Variants in C8orf34 observed in about 807,000 individuals in gnomAD.
C8orf34 encodes uncharacterized protein C8orf34.
Under a neutral mutation model 68.3 loss-of-function variants are expected in C8orf34, and 65 were observed. That is an observed-to-expected ratio of 0.95 (90% confidence interval 0.78 to 1.17). The LOEUF (loss-of-function observed/expected upper bound fraction) is 1.17. Ranked by LOEUF, C8orf34 falls within the 50% of genes most tolerant of loss-of-function variation. C8orf34 has a pLI of 0.00. For synonymous variants in C8orf34, 244 were observed against 241.2 expected (o/e 1.01, Z -0.11); for missense variants, 664 against 655.4 (o/e 1.01, Z -0.14).
At chr8:68,368,679 G>T (rs184517332) in intron 1 of C8orf34, among the ~76,000 whole-genome samples, 1 of 152,228 alleles carries the variant, frequency 6.6e-6, no homozygotes, top group Admixed American at 6.5e-5. Flanking sequence ...GTTGAGTCCA[G>T]TAATATTTAA....
chr8:68,772,754 CT>C (rs1234800111), intron 10 of C8orf34, among the ~76,000 whole-genome samples: 6 of 138,476 alleles, frequency 4.3e-5, no homozygotes, highest in African/African-American at 1.6e-4. Flanking sequence ...TCTTTCTCTC[CT>C]TCCTTCTTTC....
chr8:68,690,483 CA>C (rs1554597962), intron 8 of C8orf34, among the ~76,000 whole-genome samples: 1 of 151,854 alleles, frequency 6.6e-6, no homozygotes, highest in Non-Finnish European at 1.5e-5. Context: ...TTGGAGAGTC[CA>C]AAATCAAGGC....
At chr8:68,438,363 G>A (rs1810751561) in intron 1 of C8orf34, 1 of 152,066 alleles carries the variant, frequency 6.6e-6, no homozygotes, top group African/African-American at 2.4e-5. Flanking sequence ...AGATTGGTTA[G>A]GGTAACCTCT....
At chr8:68,646,245 C>T (rs1819168767) in intron 8 of C8orf34, among the ~76,000 whole-genome samples, 1 of 151,646 alleles carries the variant, frequency 6.6e-6, no homozygotes, top group Admixed American at 6.6e-5. Context: ...AACCTTATTG[C>T]TTTTATCAAG....
chr8:68,511,426 C>T (rs1383813586), intron 5 of C8orf34, among the ~76,000 whole-genome samples: 1 of 151,950 alleles, frequency 6.6e-6, no homozygotes, highest in Non-Finnish European at 1.5e-5. Context: ...GGAGTGGGGG[C>T]AGTGAGTAGT....
At chr8:68,437,902 A>G (rs1019678199) in intron 1 of C8orf34, 1 of 152,180 alleles carries the variant, frequency 6.6e-6, no homozygotes, top group African/African-American at 2.4e-5. Context: ...TGCAAAATCC[A>G]TTTATCCTCT....
chr8:68,794,504 T>TAC (rs1563674045), intron 12 of C8orf34, among the ~76,000 whole-genome samples: 2 of 67,878 alleles, frequency 2.9e-5, no homozygotes, highest in South Asian at 4.9e-4. Context: ...TATATATATA[T>TAC]ATTTTTTTTT....
chr8:68,591,368 A>G (rs1817383690), intron 7 of C8orf34, among the ~76,000 whole-genome samples: 1 of 152,174 alleles, frequency 6.6e-6, no homozygotes, highest in Admixed American at 6.6e-5. Flanking sequence ...TTTAATAGGA[A>G]TCTGAAAAGA....
intron 7 of C8orf34, among the ~76,000 whole-genome samples, chr8:68,542,891 G>A (rs1223607795): frequency 6.6e-6 from 1 of 152,018 alleles, no homozygotes; most frequent in Admixed American, 6.6e-5. Flanking sequence ...TTTAGAAAAT[G>A]CCATTTTGTT....
chr8:68,746,930 A>G (rs1822518338), intron 10 of C8orf34, among the ~76,000 whole-genome samples: 2 of 151,906 alleles, frequency 1.3e-5, no homozygotes, highest in Admixed American at 6.6e-5. Flanking sequence ...AGACACAACC[A>G]AAAAAGAGAA....
At chr8:68,553,166 A>C (rs140796301) in intron 7 of C8orf34, among the ~76,000 whole-genome samples, 2,961 of 152,004 alleles carry the variant, frequency 0.019, 55 homozygotes, top group Admixed American at 0.031. Flanking sequence ...CAGGCAGATC[A>C]TGAGGTCAGG....
chr8:68,696,730 T>C (rs1820845973), intron 8 of C8orf34, among the ~76,000 whole-genome samples: 1 of 152,134 alleles, frequency 6.6e-6, no homozygotes, highest in Non-Finnish European at 1.5e-5. Flanking sequence ...ATCATTTACT[T>C]TTTCTCAAAA....
chr8:68,761,772 C>T lies in C8orf34; in HGVS notation c.1405-14627C>T, dbSNP rs192609951. Among the ~76,000 whole-genome samples, 7 of 152,266 alleles carry T rather than the reference C, an allele frequency of 4.6e-5. No homozygotes were observed. In the East Asian group the frequency reaches 1.4e-3, roughly 29 times the overall value. On this transcript the variant is annotated intron_variant, in intron 10 of 13. Coordinates refer to ENST00000518698, the MANE Select transcript of C8orf34 (RefSeq NM_052958.4). ...AATTTTGAAATAGCTTTTTTAGTAG[C>T]TTCCACTGCATTTCTGGTGCACACC... is the stretch of plus-strand genomic sequence containing the variant.
Position 68,422,888 on chromosome 8 carries a change from G to A in C8orf34, c.328-16611G>A, listed in dbSNP as rs569156311. Among the ~76,000 whole-genome samples, 3 of 152,252 alleles carry A rather than the reference G, an allele frequency of 2.0e-5. No homozygotes were observed. In the South Asian group the frequency reaches 6.2e-4, roughly 32 times the overall value. On this transcript the variant is annotated intron_variant, in intron 1 of 13. Transcript: ENST00000518698. The stretch of plus-strand genomic sequence containing the variant: ...ACAGGCTCAACACTACATGGAAACT[G>A]CCAAGGCTTGGGGCTTACACCCTCT...
intron 7 of C8orf34, among the ~76,000 whole-genome samples, chr8:68,633,632 T>C (rs61526711): frequency 6.6e-6 from 1 of 152,334 alleles, no homozygotes; most frequent in African/African-American, 2.4e-5. Flanking sequence ...CCAAATTTCT[T>C]CTTAACAAAC....
chr8:68,430,169 A>G, intron 1 of C8orf34, among the ~76,000 whole-genome samples: 1 of 152,124 alleles, frequency 6.6e-6, no homozygotes, highest in East Asian at 1.9e-4. Flanking sequence ...TGAAACCTCC[A>G]TTAAAAAATA....
intron 10 of C8orf34, among the ~76,000 whole-genome samples, chr8:68,738,666 G>C (rs1294776872): frequency 1.3e-5 from 2 of 151,922 alleles, no homozygotes; most frequent in Non-Finnish European, 2.9e-5. Flanking sequence ...CATCTATGCA[G>C]ATAAGCTAGA....
intron 12 of C8orf34, among the ~76,000 whole-genome samples, chr8:68,794,482 A>ATGT (rs1824110275): frequency 1.1e-5 from 1 of 89,392 alleles, no homozygotes; most frequent in South Asian, 3.0e-4. Flanking sequence ...TATAAATATA[A>ATGT]ATATATATAT....
chr8:68,365,632 C>G (rs1296001409), intron 1 of C8orf34, among the ~76,000 whole-genome samples: 1 of 74,142 alleles, frequency 1.3e-5, no homozygotes, highest in South Asian at 4.0e-4. Flanking sequence ...ATAAACAGAA[C>G]CAAAGTCAAA....
Sources: allele counts gnomAD v4.1 joint callset (sites outside exome capture counted in the v4.1 genomes callset), GRCh38; gene constraint gnomAD v4.1.1; transcripts MANE v1.5; gene names NCBI Gene and HGNC (gene_info 2026-07-23, HGNC 2026-07-21).